Variants in MYO1E observed in about 807,000 individuals in gnomAD.
MYO1E encodes the protein unconventional myosin-Ie.
MYO1E carries 68 observed loss-of-function variants against 151.1 expected under a neutral mutation model. That is an observed-to-expected ratio of 0.45 (90% confidence interval 0.37 to 0.55). The LOEUF is 0.55. Ranked by LOEUF, MYO1E falls within the 20% of genes least tolerant of loss-of-function variation. MYO1E has a pLI of 0.00. For synonymous variants in MYO1E, 601 were observed against 501.7 expected (o/e 1.20, Z -2.64); for missense variants, 1,363 against 1,389.3 (o/e 0.98, Z 0.30).
intron 1 of MYO1E, among the ~76,000 whole-genome samples, chr15:59,343,143 C>G (rs2080775064): frequency 6.6e-6 from 1 of 152,100 alleles, no homozygotes; most frequent in African/African-American, 2.4e-5. Flanking sequence ...TGTTAACATC[C>G]TTTTCTTTCA....
chr15:59,189,678 G>T (rs2079721419), intron 17 of MYO1E, among the ~76,000 whole-genome samples: 1 of 152,176 alleles, frequency 6.6e-6, no homozygotes, highest in Admixed American at 6.5e-5. Context: ...GGGTTCAAGA[G>T]ATTCTCCTGC....
rs2079723456 is a variant in MYO1E at position 59,189,993 on chromosome 15, G to A, written c.1806-1777C>T. 2.0e-5 allele frequency among the ~76,000 whole-genome samples: 3 copies of A among 152,212 alleles called. No individual in the cohort carries two copies. In the South Asian group the frequency reaches 6.2e-4, roughly 32 times the overall value. ...TGATTTAGTAGGCCTGCACCTTGGG[G>A]AGGCTATTTTAGTACACCTGCTGGG... is the stretch of plus-strand genomic sequence containing the variant. On this transcript the variant is annotated intron_variant, in intron 17 of 27. Coordinates refer to ENST00000288235, the MANE Select transcript of MYO1E (RefSeq NM_004998.4).
Position 59,272,386 on chromosome 15 carries a change from C to G in MYO1E, c.67G>C (p.Asp23His). Residue 23 changes from aspartate (D) to histidine (H), a missense_variant, in exon 2 of 28, where the codon GAC becomes CAC. Coordinates refer to ENST00000288235, the MANE Select transcript of MYO1E (RefSeq NM_004998.4). ...GTGATCTTGGACAGTAGCACCATGT[C>G]GTCCACACCACTGTGCTTGACATTG... ...SHNVKHSGVD[D>H]MVLLSKITEN... 1.9e-6 allele frequency: 3 copies of G among 1,613,960 alleles called. No homozygotes were observed. The highest frequency in any genetic ancestry group is 2.5e-6 in the Non-Finnish European group (3 of 1,179,800).
intron 9 of MYO1E, among the ~76,000 whole-genome samples, chr15:59,222,432 AC>A (rs2079961653): frequency 6.6e-6 from 1 of 152,130 alleles, no homozygotes; most frequent in Non-Finnish European, 1.5e-5. Flanking sequence ...TGTAGGAAGA[AC>A]CCTGATTTTT....
chr15:59,216,666 GTATATATATA>G (rs368761394), intron 10 of MYO1E, among the ~76,000 whole-genome samples: 3 of 30,886 alleles, frequency 9.7e-5, no homozygotes, highest in South Asian at 1.4e-3. Flanking sequence ...GTGTGTATGT[GTATATATATA>G]TATATATATA....
At chr15:59,335,443 C>T (rs1240299064) in intron 1 of MYO1E, among the ~76,000 whole-genome samples, 1 of 152,108 alleles carries the variant, frequency 6.6e-6, no homozygotes, top group East Asian at 1.9e-4. Flanking sequence ...AGTGATGATT[C>T]TGTGGCCACA....
Position 59,162,242 on chromosome 15 carries a change from T to C in MYO1E, c.2627+915A>G, listed in dbSNP as rs140865559. On this transcript the variant is annotated intron_variant, in intron 23 of 27. Transcript: ENST00000288235. ...TTTACTTTTTGTAGAGATGTGGTCTTACTATATTGCCCAGACTAGCTAAAT... is the reference window on the plus strand; with the variant it reads ...TTTACTTTTTGTAGAGATGTGGTCTCACTATATTGCCCAGACTAGCTAAAT... 2.7e-3 allele frequency among the ~76,000 whole-genome samples: 417 copies of C among 152,244 alleles called. 1 individual carries two copies. Among genetic ancestry groups the C allele is most frequent in the African/African-American group, 9.3e-3 (387 of 41,530 alleles).
intron 1 of MYO1E, among the ~76,000 whole-genome samples, chr15:59,301,751 C>T (rs958608910): frequency 1.1e-4 from 16 of 152,278 alleles, no homozygotes; most frequent in Middle Eastern, 3.4e-3. Flanking sequence ...TCCTCTTCTG[C>T]GACTTACTAC....
rs1052538968 is a variant in MYO1E at position 59,350,957 on chromosome 15, C to T, written c.3+21541G>A. On this transcript the variant is annotated intron_variant, in intron 1 of 27. Coordinates refer to ENST00000288235, the MANE Select transcript of MYO1E (RefSeq NM_004998.4). The surrounding 1 kb of genome is among the most constrained non-coding windows in gnomAD (Gnocchi z 5.0). ...TGTCACCCAGGCTGGCGTGCAGTGG[C>T]GCGATCTCGGCTCAATGCAAGCTCC... Among the ~76,000 whole-genome samples the T allele has an allele frequency of 3.9e-5, 6 of 152,148 alleles. No homozygotes were observed. Among genetic ancestry groups the T allele is most frequent in the Admixed American group, 3.9e-4 (6 of 15,280 alleles).
intron 1 of MYO1E, among the ~76,000 whole-genome samples, chr15:59,294,375 C>T (rs962597655): frequency 6.6e-6 from 1 of 152,152 alleles, no homozygotes; most frequent in African/African-American, 2.4e-5. Flanking sequence ...GATAAATCAC[C>T]TCTTATCTGG....
chr15:59,227,999 C>T (rs7172761), intron 6 of MYO1E, among the ~76,000 whole-genome samples: 33,104 of 151,942 alleles, frequency 0.22, 3,960 homozygotes, highest in African/African-American at 0.33. Context: ...CTCTTACCTA[C>T]GGAGCATCTA....
intron 1 of MYO1E, among the ~76,000 whole-genome samples, chr15:59,362,811 C>G (rs1215201575): frequency 4.6e-5 from 7 of 152,256 alleles, no homozygotes; most frequent in Admixed American, 1.3e-4. Flanking sequence ...GGTGGTCACA[C>G]CGAAGAAATT....
At chr15:59,196,985 ACTT>A (rs2079770432) in intron 16 of MYO1E, among the ~76,000 whole-genome samples, 1 of 34,266 alleles carries the variant, frequency 2.9e-5, no homozygotes, top group South Asian at 1.4e-3. Flanking sequence ...TTTAATTACG[ACTT>A]TTTTTTTTTT....
chr15:59,180,947 T>G (rs552836340), intron 18 of MYO1E, among the ~76,000 whole-genome samples: 9 of 152,338 alleles, frequency 5.9e-5, no homozygotes, highest in African/African-American at 2.2e-4. Context: ...TGCCAGCTCC[T>G]CTTTCTGCCT....
chr15:59,232,011 G>C (rs1203264313), intron 5 of MYO1E, among the ~76,000 whole-genome samples: 2 of 152,116 alleles, frequency 1.3e-5, no homozygotes, highest in Non-Finnish European at 2.9e-5. Context: ...TTGATGCAGA[G>C]TCCCCAGGAG....
intron 26 of MYO1E, among the ~76,000 whole-genome samples, chr15:59,143,869 G>A (rs1422404841): frequency 2.6e-5 from 4 of 152,158 alleles, no homozygotes; most frequent in Non-Finnish European, 5.9e-5. Flanking sequence ...CTCGGCCTTC[G>A]GATCTCATTT....
chr15:59,138,203 T>C lies in MYO1E; in HGVS notation c.3245A>G (p.Lys1082Arg), dbSNP rs1341780981. ...FNANDIIDII[K>R]EDPSGWWTGR... is the part of the protein sequence containing the mutation. ...CCAACCAGCCACACACTTACCTTCT[T>C]TGATAATATCAATAATGTCATTGGC... Residue 1082 changes from lysine (K) to arginine (R), a missense_variant, in exon 27 of 28, where the codon AAA (lysine) becomes AGA (arginine). Lys to Arg is a conservative substitution (Grantham distance 26). Coordinates refer to ENST00000288235, the MANE Select transcript of MYO1E (RefSeq NM_004998.4). 1 of 1,614,082 alleles carries C rather than the reference T, an allele frequency of 6.2e-7. No individual in the cohort carries two copies. The highest frequency in any genetic ancestry group is 1.3e-5 in the African/African-American group (1 of 74,930).
At chr15:59,352,286 G>C (rs1013366889) in intron 1 of MYO1E, among the ~76,000 whole-genome samples, 1 of 152,134 alleles carries the variant, frequency 6.6e-6, no homozygotes, top group Non-Finnish European at 1.5e-5. Context: ...TATTTGGCAC[G>C]TCCCTAACCT....
chr15:59,261,492 T>C lies in MYO1E; in HGVS notation c.165A>G (p.Val55=), dbSNP rs1362725036. The C allele has an allele frequency of 6.2e-7, 1 of 1,602,702 alleles. No homozygotes were observed. Among genetic ancestry groups the C allele is most frequent in the East Asian group, 2.2e-5 (1 of 44,720 alleles). The change falls in exon 3 of 28, where the codon GTA becomes GTG. Residue 55 remains valine (V), a synonymous_variant. Coordinates refer to ENST00000288235, the MANE Select transcript of MYO1E (RefSeq NM_004998.4). Reference sequence around the variant, plus strand: ...GCTTGAAAGGGTTGACTGAGATTAATACAGATCCTATATATGTCTGAATTT... The same window carrying C: ...GCTTGAAAGGGTTGACTGAGATTAACACAGATCCTATATATGTCTGAATTT... The part of the protein sequence containing the change: ...DDYIFTYIGS[V]LISVNPFKQM...
Sources: allele counts gnomAD v4.1 joint callset (sites outside exome capture counted in the v4.1 genomes callset), GRCh38; gene constraint gnomAD v4.1.1; non-coding constraint Gnocchi (gnomAD v3.1); transcripts MANE v1.5; gene names NCBI Gene and HGNC (gene_info 2026-07-23, HGNC 2026-07-21).